HS6ST3: variants seen among roughly 807,000 people sequenced by gnomAD.
HS6ST3 encodes the protein heparan-sulfate 6-O-sulfotransferase 3.
Under a neutral mutation model 36.7 loss-of-function variants are expected in HS6ST3, and 12 were observed. The observed-to-expected ratio is 0.33, with a 90% CI of 0.21 to 0.53. The LOEUF is 0.53. Among genes scored for constraint, HS6ST3 ranks in the 20% least tolerant of loss-of-function variants. The pLI is 0.95. For synonymous variants in HS6ST3, 240 were observed against 257.5 expected, an observed-to-expected ratio of 0.93 and a Z score of 0.65; for missense variants, 584 against 640.9, an observed-to-expected ratio of 0.91 and a Z score of 0.96.
At chr13:96,335,483 G>A (rs1383657269) in intron 1 of HS6ST3, among the ~76,000 whole-genome samples, 1 of 152,182 alleles carries the variant, frequency 6.6e-6, no homozygotes, top group Non-Finnish European at 1.5e-5. Flanking sequence ...AAGAAAGCTG[G>A]CCTCCCTTTC....
chr13:96,813,349 C>T (rs1327733343), intron 1 of HS6ST3, among the ~76,000 whole-genome samples: 1 of 152,158 alleles, frequency 6.6e-6, no homozygotes, highest in Non-Finnish European at 1.5e-5. Flanking sequence ...CAACATGCAG[C>T]TCTTCTTCCT....
chr13:96,371,626 C>T (rs998684636), intron 1 of HS6ST3, among the ~76,000 whole-genome samples: 4 of 152,144 alleles, frequency 2.6e-5, no homozygotes, highest in African/African-American at 7.2e-5. Context: ...CCATTTCCCC[C>T]ACTCCCAGAC....
chr13:96,509,796 C>T (rs2056041736), intron 1 of HS6ST3, among the ~76,000 whole-genome samples: 1 of 152,094 alleles, frequency 6.6e-6, no homozygotes, highest in African/African-American at 2.4e-5. Context: ...CAGATTTGTT[C>T]CTTTTCCTTA....
intron 1 of HS6ST3, among the ~76,000 whole-genome samples, chr13:96,514,246 G>A (rs912348614): frequency 6.6e-6 from 1 of 152,176 alleles, no homozygotes; most frequent in South Asian, 2.1e-4. Flanking sequence ...TGGAAGTAGA[G>A]CGAATGAGAA....
chr13:96,494,964 G>T (rs930700184), intron 1 of HS6ST3, among the ~76,000 whole-genome samples: 1 of 152,126 alleles, frequency 6.6e-6, no homozygotes, highest in Non-Finnish European at 1.5e-5. Flanking sequence ...ATCTGGCTTC[G>T]TGTGCCTAAT....
intron 1 of HS6ST3, among the ~76,000 whole-genome samples, chr13:96,416,781 C>G (rs1274873830): frequency 2.1e-5 from 3 of 139,656 alleles, no homozygotes; most frequent in Non-Finnish European, 3.0e-5. Flanking sequence ...GAGACGGAGT[C>G]TCGCTCTGTT....
chr13:96,272,311 A>G (rs766990427), intron 1 of HS6ST3, among the ~76,000 whole-genome samples: 2 of 152,048 alleles, frequency 1.3e-5, no homozygotes, highest in Non-Finnish European at 2.9e-5. Flanking sequence ...CTGTGCTGAA[A>G]TATAACACTA....
intron 1 of HS6ST3, among the ~76,000 whole-genome samples, chr13:96,681,279 G>A (rs554402103): frequency 3.9e-5 from 6 of 152,274 alleles, no homozygotes; most frequent in Admixed American, 1.3e-4. Context: ...AATCACCTTT[G>A]TCAAATCTGG....
chr13:96,538,739 C>A lies in HS6ST3; in HGVS notation c.708-293751C>A, dbSNP rs910358470. ...GATTACAGGCGTGAGCCACCATGCC[C>A]AGCTAAGCACATGAAAATCGATTTC... On this transcript the variant is annotated intron_variant, in intron 1 of 1. Transcript: ENST00000376705. Among the ~76,000 whole-genome samples, 6 of 152,218 alleles carry A rather than the reference C, an allele frequency of 3.9e-5. No individual in the cohort carries two copies. The South Asian group carries it at 1.2e-3, about 32-fold the overall frequency.
intron 1 of HS6ST3, among the ~76,000 whole-genome samples, chr13:96,149,478 C>G (rs2257398): frequency 0.82 from 125,150 of 152,130 alleles, 51,813 homozygotes; most frequent in East Asian, 0.91. Flanking sequence ...CATGCATTCA[C>G]AATAAGAATT....
rs184919981 is a variant in HS6ST3 at position 96,274,137 on chromosome 13, G to A, written c.707+182568G>A. ...TGGCTCGCTGCAACCTCAAACTCCC[G>A]CTCTTTCTTATTAAGGCCAACTTTT... On this transcript the variant is annotated intron_variant, in intron 1 of 1. Transcript: ENST00000376705. Among the ~76,000 whole-genome samples the A allele has an allele frequency of 1.2e-3, 187 of 151,142 alleles. 1 individual carries two copies. Among genetic ancestry groups the A allele is most frequent in the Middle Eastern group, 0.01 (3 of 294 alleles).
chr13:96,447,895 C>T (rs372291376), intron 1 of HS6ST3, among the ~76,000 whole-genome samples: 4 of 152,216 alleles, frequency 2.6e-5, no homozygotes, highest in East Asian at 3.9e-4. Flanking sequence ...TTAAACTTTC[C>T]GCTCCTTAAA....
chr13:96,227,000 G>A (rs1297367056), intron 1 of HS6ST3, among the ~76,000 whole-genome samples: 1 of 152,044 alleles, frequency 6.6e-6, no homozygotes, highest in Non-Finnish European at 1.5e-5. Flanking sequence ...ATTTAAAACT[G>A]TGGCCTGTAA....
chr13:96,177,156 C>T (rs1340700094), intron 1 of HS6ST3, among the ~76,000 whole-genome samples: 1 of 152,112 alleles, frequency 6.6e-6, no homozygotes, highest in East Asian at 1.9e-4. Flanking sequence ...AAGAGGAATG[C>T]TTTTACAGTG....
intron 1 of HS6ST3, among the ~76,000 whole-genome samples, chr13:96,311,553 A>C (rs999766503): frequency 6.6e-6 from 1 of 152,134 alleles, no homozygotes; most frequent in African/African-American, 2.4e-5. Context: ...CATGGATTTA[A>C]AGCAGGTTAA....
chr13:96,554,949 G>T (rs7317859), intron 1 of HS6ST3, among the ~76,000 whole-genome samples: 12,801 of 151,844 alleles, frequency 0.084, 978 homozygotes, highest in African/African-American at 0.21. Flanking sequence ...GGTGTGTGTT[G>T]TACACCTGTA....
At chr13:96,609,341 A>G (rs1230217067) in intron 1 of HS6ST3, among the ~76,000 whole-genome samples, 3 of 152,216 alleles carry the variant, frequency 2.0e-5, no homozygotes, top group African/African-American at 7.2e-5. Flanking sequence ...ATTACTAGAC[A>G]GCACCAAATT....
intron 1 of HS6ST3, among the ~76,000 whole-genome samples, chr13:96,592,335 T>C (rs1442695977): frequency 3.3e-5 from 5 of 152,154 alleles, no homozygotes; most frequent in Admixed American, 2.6e-4. Flanking sequence ...AACTTTGTGT[T>C]ATTTCTATTT....
intron 1 of HS6ST3, among the ~76,000 whole-genome samples, chr13:96,748,762 C>T (rs1363926687): frequency 6.6e-6 from 1 of 151,932 alleles, no homozygotes; most frequent in Non-Finnish European, 1.5e-5. Flanking sequence ...GTAGTAGACC[C>T]TCAAAAATGT....
Sources: allele counts gnomAD v4.1 joint callset (sites outside exome capture counted in the v4.1 genomes callset), GRCh38; gene constraint gnomAD v4.1.1; transcripts MANE v1.5; gene names NCBI Gene and HGNC (gene_info 2026-07-23, HGNC 2026-07-21).